LINGO2: variants seen among roughly 807,000 people sequenced by gnomAD.
LINGO2 encodes leucine rich repeat and Ig domain containing 2.
Under a neutral mutation model 30.6 loss-of-function variants are expected in LINGO2, and 14 were observed. The observed-to-expected ratio is 0.46, with a 90% CI of 0.30 to 0.72. The LOEUF (loss-of-function observed/expected upper bound fraction) is 0.72. Among genes scored for constraint, LINGO2 ranks in the 30% least tolerant of loss-of-function variants. The pLI is 0.07. For synonymous variants in LINGO2, 317 were observed against 288.5 expected (o/e 1.10, Z -1.00); for missense variants, 729 against 751.7 (o/e 0.97, Z 0.35).
chr9:28,395,911 A>C (rs888570802), intron 2 of LINGO2, among the ~76,000 whole-genome samples: 3 of 152,138 alleles, frequency 2.0e-5, no homozygotes, highest in African/African-American at 7.2e-5. Flanking sequence ...CTGTGTTATA[A>C]ATTAATATTA....
the LINGO2 span, among the ~76,000 whole-genome samples, chr9:29,073,506 A>G: frequency 7.2e-5 from 11 of 152,196 alleles, no homozygotes; most frequent in African/African-American, 2.7e-4. Context: ...AAATGGTTAA[A>G]AGAATTAAAG....
intron 1 of LINGO2, among the ~76,000 whole-genome samples, chr9:28,580,836 T>G (rs1739261691): frequency 6.6e-6 from 1 of 152,070 alleles, no homozygotes; most frequent in Admixed American, 6.6e-5. Context: ...CGACTCACTT[T>G]GACACTCCAA....
the LINGO2 span, among the ~76,000 whole-genome samples, chr9:28,995,453 T>A: frequency 1.3e-5 from 2 of 152,188 alleles, no homozygotes; most frequent in Admixed American, 6.5e-5. Context: ...ATTGTGGAAG[T>A]CAGTGTGGCC....
At chr9:28,733,353 C>T in the LINGO2 span, among the ~76,000 whole-genome samples, 2 of 152,010 alleles carry the variant, frequency 1.3e-5, no homozygotes, top group Non-Finnish European at 2.9e-5. Context: ...TAGTATTGCA[C>T]TGGTTTTTGA....
intron 1 of LINGO2, among the ~76,000 whole-genome samples, chr9:28,626,998 AT>A (rs1826712013): frequency 6.6e-6 from 1 of 150,768 alleles, no homozygotes; most frequent in African/African-American, 2.4e-5. Context: ...GCTACATCAC[AT>A]TTTCCTGCTT....
intron 4 of LINGO2, among the ~76,000 whole-genome samples, chr9:28,015,200 C>T (rs924981371): frequency 1.8e-4 from 28 of 152,092 alleles, no homozygotes; most frequent in African/African-American, 6.3e-4. Flanking sequence ...TGGATAGGAG[C>T]TGGGATAACA....
At chr9:28,893,580 T>A in the LINGO2 span, among the ~76,000 whole-genome samples, 1 of 2,108 alleles carries the variant, frequency 4.7e-4, no homozygotes, top group South Asian at 5.5e-3. Context: ...ATGGTTATCA[T>A]TTTTTTTTTT....
intron 2 of LINGO2, among the ~76,000 whole-genome samples, chr9:28,395,758 T>C (rs982939592): frequency 1.1e-4 from 16 of 151,860 alleles, no homozygotes; most frequent in Non-Finnish European, 2.4e-4. Context: ...TTCTGATAAG[T>C]TTTTATAATT....
At chr9:28,820,903 C>T in the LINGO2 span, among the ~76,000 whole-genome samples, 2 of 152,188 alleles carry the variant, frequency 1.3e-5, no homozygotes, top group South Asian at 2.1e-4. Context: ...CATACCCACA[C>T]ACACACTTGG....
intron 3 of LINGO2, among the ~76,000 whole-genome samples, chr9:28,327,251 C>T (rs544352114): frequency 6.6e-6 from 1 of 152,138 alleles, no homozygotes; most frequent in African/African-American, 2.4e-5. Context: ...TTATAGATTA[C>T]CCAGTCTAAG....
At chr9:28,964,742 T>C in the LINGO2 span, among the ~76,000 whole-genome samples, 2 of 151,838 alleles carry the variant, frequency 1.3e-5, no homozygotes, top group East Asian at 3.9e-4. Flanking sequence ...GGAAACAGAG[T>C]AGAGAAATAA....
In LINGO2 at chr9:28,561,468, G is replaced by A. The variant is rs985931926; in HGVS notation, c.-364-85443C>T. The stretch of plus-strand genomic sequence containing the variant: ...TTTTTAAATTTACCTCAGGAGATTT[G>A]TCCCTGTTTCTATAATTAGTTTATA... On this transcript the variant is annotated intron_variant, in intron 1 of 5. Coordinates refer to ENST00000379992, the Ensembl canonical transcript of LINGO2. Among the ~76,000 whole-genome samples, 4 of 150,594 alleles carry A rather than the reference G, an allele frequency of 2.7e-5. 1 individual carries two copies. Among genetic ancestry groups the A allele is most frequent in the African/African-American group, 9.7e-5 (4 of 41,050 alleles).
the LINGO2 span, among the ~76,000 whole-genome samples, chr9:29,022,645 G>T: frequency 6.6e-6 from 1 of 152,116 alleles, no homozygotes; most frequent in Non-Finnish European, 1.5e-5. Context: ...CTGGTAAAAT[G>T]CTCTTAACTA....
chr9:28,900,572 T>C, the LINGO2 span, among the ~76,000 whole-genome samples: 2 of 152,174 alleles, frequency 1.3e-5, no homozygotes, highest in Admixed American at 6.5e-5. Context: ...CACTCACCTA[T>C]TGACCTTGGT....
the LINGO2 span, among the ~76,000 whole-genome samples, chr9:28,746,899 A>C: frequency 3.9e-5 from 6 of 152,170 alleles, no homozygotes; most frequent in African/African-American, 1.2e-4. Context: ...AATGAAAAAA[A>C]TAATGATATT....
rs974787443 is a variant in LINGO2 at position 28,494,679 on chromosome 9, C to T, written c.-364-18654G>A. Among the ~76,000 whole-genome samples, 31 of 152,256 alleles carry T rather than the reference C, an allele frequency of 2.0e-4. 1 individual carries two copies. The highest frequency in any genetic ancestry group is 5.3e-4 in the African/African-American group (22 of 41,556). ...TGTGAATAGTGCCGCAATAAACATACGTGTGCATGTGTCTTTAAAGCAGCA... is the reference window on the plus strand; with the variant it reads ...TGTGAATAGTGCCGCAATAAACATATGTGTGCATGTGTCTTTAAAGCAGCA... On this transcript the variant is annotated intron_variant, in intron 1 of 5. Coordinates refer to ENST00000379992, the Ensembl canonical transcript of LINGO2.
the LINGO2 span, among the ~76,000 whole-genome samples, chr9:29,129,940 G>A: frequency 6.6e-6 from 1 of 152,106 alleles, no homozygotes; most frequent in South Asian, 2.1e-4. Flanking sequence ...TATGGTCTGT[G>A]TAAGTCATGA....
chr9:28,374,123 T>A (rs932037754), intron 2 of LINGO2, among the ~76,000 whole-genome samples: 1 of 151,504 alleles, frequency 6.6e-6, no homozygotes, highest in Non-Finnish European at 1.5e-5. Context: ...AGGCCTTTGT[T>A]CGGCACCACG....
At chr9:28,594,906 T>C (rs1157981610) in intron 1 of LINGO2, among the ~76,000 whole-genome samples, 2 of 152,080 alleles carry the variant, frequency 1.3e-5, no homozygotes, top group Non-Finnish European at 2.9e-5. Context: ...GCACTGGAGA[T>C]GTGGTGTATA....
Sources: gnomAD v4.1 joint callset for allele counts (sites outside exome capture counted in the v4.1 genomes callset) on GRCh38, gnomAD v4.1.1 for gene constraint, MANE v1.5 for transcripts, NCBI Gene and HGNC (gene_info 2026-07-23, HGNC 2026-07-21) for gene names.